The following BNC2 variants were observed in gnomAD, a reference collection of about 807,000 sequenced individuals.
The protein encoded by BNC2 is zinc finger protein basonuclin-2.
BNC2 carries 20 observed loss-of-function variants against 76.3 expected under a neutral mutation model. The observed-to-expected ratio is 0.26, with a 90% CI of 0.18 to 0.38. The LOEUF is 0.38. BNC2 is among the 10% of genes least tolerant of loss of function. BNC2 has a pLI of 1.00. For synonymous variants in BNC2, 582 were observed against 514.8 expected, an observed-to-expected ratio of 1.13 and a Z score of -1.77; for missense variants, 1,382 against 1,399.8, an observed-to-expected ratio of 0.99 and a Z score of 0.20.
rs181956840 is a variant in BNC2 at position 16,517,578 on chromosome 9, C to T, written c.669+34952G>A. ...CAAATTAATTGCAAACACACACACA[C>T]GTACACAAGTGCACACAAACTTAAG... On this transcript the variant is annotated intron_variant, in intron 5 of 6. Transcript: ENST00000380672. Among the ~76,000 whole-genome samples the T allele has an allele frequency of 9.9e-4, 150 of 152,218 alleles. 1 individual carries two copies. The highest frequency in any genetic ancestry group is 4.7e-3 in the Admixed American group (72 of 15,294).
At chr9:16,603,891 A>G (rs534760444) in intron 3 of BNC2, among the ~76,000 whole-genome samples, 95 of 48,452 alleles carry the variant, frequency 2.0e-3, no homozygotes, top group African/African-American at 3.1e-3. Context: ...TATTTTATAA[A>G]AAAACATTCT....
intron 1 of BNC2, among the ~76,000 whole-genome samples, chr9:16,868,478 CTAATAT>C (rs1486628307): frequency 2.0e-5 from 3 of 152,130 alleles, no homozygotes; most frequent in Middle Eastern, 3.2e-3. Flanking sequence ...TAACATTTTC[CTAATAT>C]TAATTGTAAA....
intron 1 of BNC2, among the ~76,000 whole-genome samples, chr9:16,756,259 C>T (rs1825381809): frequency 6.6e-6 from 1 of 152,168 alleles, no homozygotes; most frequent in Non-Finnish European, 1.5e-5. Flanking sequence ...TCTCTCTTCG[C>T]TGTGGATAAT....
intron 4 of BNC2, among the ~76,000 whole-genome samples, chr9:16,574,761 T>C (rs994705491): frequency 2.0e-5 from 3 of 152,230 alleles, no homozygotes; most frequent in Non-Finnish European, 2.9e-5. Flanking sequence ...GCTCCTAAAA[T>C]TGTTGTGCCA....
At chr9:16,619,051 T>G (rs1463163574) in intron 3 of BNC2, among the ~76,000 whole-genome samples, 1 of 152,050 alleles carries the variant, frequency 6.6e-6, no homozygotes, top group Non-Finnish European at 1.5e-5. Context: ...GGTGCAAAGA[T>G]CACTAAAACC....
At chr9:16,573,191 G>T (rs1319630279) in intron 4 of BNC2, among the ~76,000 whole-genome samples, 1 of 145,312 alleles carries the variant, frequency 6.9e-6, no homozygotes, top group South Asian at 2.1e-4. Flanking sequence ...TTGCACCATT[G>T]CATCTGGGTG....
At chr9:16,540,434 C>T (rs1039815308) in intron 5 of BNC2, among the ~76,000 whole-genome samples, 2 of 152,038 alleles carry the variant, frequency 1.3e-5, no homozygotes, top group African/African-American at 4.8e-5. Context: ...CTATCATATA[C>T]GTCAATACGC....
At chr9:16,668,124 C>G (rs1407644731) in intron 3 of BNC2, among the ~76,000 whole-genome samples, 1 of 152,122 alleles carries the variant, frequency 6.6e-6, no homozygotes. Flanking sequence ...ATGGAAAGAC[C>G]AGCTTATTTT....
At position 16,410,608 on chromosome 9, in the gene BNC2, A is replaced by C. The variant is rs1820439401; in HGVS notation, c.*8381T>G. On this transcript the variant is annotated 3_prime_UTR_variant, in exon 7 of 7. Transcript: ENST00000380672. ...TAATACTAGAACATCTCATTCACTT[A>C]ATTCACGTTATGCAAACCCTGGACA... 6.6e-6 allele frequency: 1 copy of C among 152,618 alleles called. No homozygotes were observed. Among genetic ancestry groups the C allele is most frequent in the Non-Finnish European group, 1.5e-5 (1 of 68,040 alleles). The allele number at this position is 152,618 out of a possible 1,614,324, so 9.5% of individuals were successfully genotyped here.
chr9:16,598,857 A>T (rs533344475), intron 3 of BNC2, among the ~76,000 whole-genome samples: 13 of 152,314 alleles, frequency 8.5e-5, no homozygotes, highest in Admixed American at 1.3e-4. Flanking sequence ...AAATTAAATG[A>T]GATGCTTTGC....
At chr9:16,624,485 G>C (rs1820940468) in intron 3 of BNC2, among the ~76,000 whole-genome samples, 2 of 152,124 alleles carry the variant, frequency 1.3e-5, no homozygotes, top group African/African-American at 4.8e-5. Flanking sequence ...CACTGTAACA[G>C]CCAAATAAAC....
intron 3 of BNC2, among the ~76,000 whole-genome samples, chr9:16,602,846 T>C (rs928303438): frequency 9.2e-5 from 14 of 152,346 alleles, no homozygotes; most frequent in African/African-American, 3.1e-4. Context: ...GGAACATGGA[T>C]TTTTATCATT....
chr9:16,769,097 G>C (rs1003779473), intron 1 of BNC2, among the ~76,000 whole-genome samples: 1 of 152,150 alleles, frequency 6.6e-6, no homozygotes, highest in Non-Finnish European at 1.5e-5. Flanking sequence ...TTACAAATAG[G>C]ACCCTGGAAA....
chr9:16,521,566 T>G (rs533165924), intron 5 of BNC2, among the ~76,000 whole-genome samples: 2 of 152,332 alleles, frequency 1.3e-5, no homozygotes, highest in East Asian at 1.9e-4. Flanking sequence ...AAAAGAGTAA[T>G]GTACTCTTCT....
chr9:16,825,694 T>C (rs982233906), intron 1 of BNC2, among the ~76,000 whole-genome samples: 3 of 152,090 alleles, frequency 2.0e-5, no homozygotes, highest in Non-Finnish European at 4.4e-5. Context: ...CTCAGAAACA[T>C]TCCCTCCTAA....
At chr9:16,689,163 CAAAAAAA>C (rs58620248) in intron 3 of BNC2, among the ~76,000 whole-genome samples, 25 of 50,496 alleles carry the variant, frequency 5.0e-4, no homozygotes, top group East Asian at 1.8e-3. Context: ...ACTGAGATCA[CAAAAAAA>C]AAAAAAAAAA....
At chr9:16,685,400 G>A (rs1822944989) in intron 3 of BNC2, 2 of 410,792 alleles carry the variant, frequency 4.9e-6, no homozygotes, top group South Asian at 1.8e-5. Flanking sequence ...AAGGACCTAT[G>A]GCTGCACATA....
intron 5 of BNC2, among the ~76,000 whole-genome samples, chr9:16,487,078 C>G (rs1056103109): frequency 1.7e-4 from 26 of 152,176 alleles, no homozygotes; most frequent in African/African-American, 6.3e-4. Flanking sequence ...TTTCTATATT[C>G]CCCTTTTACA....
At chr9:16,672,081 G>T (rs2134187763) in intron 3 of BNC2, among the ~76,000 whole-genome samples, 1 of 152,240 alleles carries the variant, frequency 6.6e-6, no homozygotes, top group South Asian at 2.1e-4. Flanking sequence ...TAACAGCAAG[G>T]GGTGTTGCTA....
Sources: gnomAD v4.1 joint callset for allele counts (sites outside exome capture counted in the v4.1 genomes callset) on GRCh38, gnomAD v4.1.1 for gene constraint, MANE v1.5 for transcripts, NCBI Gene and HGNC (gene_info 2026-07-23, HGNC 2026-07-21) for gene names.